MPI: variants seen among roughly 807,000 people sequenced by gnomAD.
MPI encodes the protein mannose-6-phosphate isomerase.
A neutral mutation model predicts 40.1 loss-of-function variants in MPI; 33 were observed. The observed-to-expected ratio is 0.82, with a 90% CI of 0.62 to 1.10. The LOEUF (loss-of-function observed/expected upper bound fraction) is 1.10, where lower values mean the gene tolerates loss of function less well. Among genes scored for constraint, MPI ranks in the 50% least tolerant of loss-of-function variants. The pLI, the probability that MPI is intolerant of heterozygous loss-of-function variation, is 0.00. For missense variants in MPI, 514 were observed against 524.1 expected (o/e 0.98, Z 0.19); for synonymous variants, 187 against 207.4 (o/e 0.90, Z 0.85).
At chr15:74,896,805 T>C (rs1338662755) in intron 6 of MPI, 1 of 658,268 alleles carries the variant, frequency 1.5e-6, no homozygotes, top group Non-Finnish European at 2.7e-6. Flanking sequence ...CCCCCAGGGG[T>C]TAACATGACT....
chr15:74,892,968 G>T (rs1448618669), intron 4 of MPI, 166 bp downstream of exon 4: 2 of 1,322,842 alleles, frequency 1.5e-6, no homozygotes, highest in East Asian at 2.3e-5. Flanking sequence ...CCAGGCTCAG[G>T]TGTGGTAGTC....
chr15:74,890,476 AGGGT>A, intron 1 of MPI, 47 bp from the exon 2 acceptor site: 1 of 1,612,806 alleles, frequency 6.2e-7, no homozygotes, highest in African/African-American at 1.3e-5. Context: ...CCGGGACACT[AGGGT>A]GGGGCCTGAG....
At chr15:74,892,978 C>T (rs775060539) in intron 4 of MPI, 160 bp from the exon 5 acceptor site, 419 of 1,318,154 alleles carry the variant, frequency 3.2e-4, no homozygotes, top group Admixed American at 4.5e-4. Flanking sequence ...GTGTGGTAGT[C>T]AAGGGCTGGT....
chr15:74,893,063 G>C (rs2064750547), intron 4 of MPI, 75 bp from the exon 5 acceptor site: 5 of 1,581,108 alleles, frequency 3.2e-6, no homozygotes, highest in Non-Finnish European at 4.3e-6. Context: ...ATGGAAAGGT[G>C]TCCTCCAACT....
In MPI at chr15:74,899,069, T is replaced by A. The variant is rs187503574; in HGVS notation, c.*1339T>A. ...AGATTACAGGGACTCAGGAACCGAA[T>A]TAGACAATTTTCATGGCGAGGAGAA... On this transcript the variant is annotated 3_prime_UTR_variant, in exon 8 of 8. Transcript: ENST00000352410. The A allele has an allele frequency of 6.6e-6, 1 of 152,192 alleles. No homozygotes were observed. The highest frequency in any genetic ancestry group is 1.5e-5 in the Non-Finnish European group (1 of 68,044). The allele number at this position is 152,192 out of a possible 1,614,324, so 9.4% of individuals were successfully genotyped here. A position where few individuals can be genotyped will look rare whatever the true frequency, so the allele number is the denominator to read the frequency against.
chr15:74,897,010 G>T lies in MPI; in HGVS notation c.845-1G>T, dbSNP rs2064828104. 6.2e-7 allele frequency: 1 copy of T among 1,614,132 alleles called. No homozygotes were observed. Among genetic ancestry groups the T allele is most frequent in the South Asian group, 1.1e-5 (1 of 91,080 alleles). ...TTAGCACATGACGACTGTCTCTCCA[G>T]ACTGCGTGGAGTGCATGGCGTGTTC... On this transcript the variant is annotated splice_acceptor_variant, in intron 6 of 7. Transcript: ENST00000352410. LOFTEE classifies it high-confidence loss of function.
rs760006403 is a variant in MPI at position 74,890,600 on chromosome 15, G to A, written c.90G>A (p.Leu30=). 3.7e-6 allele frequency: 6 copies of A among 1,614,082 alleles called. No individual in the cohort carries two copies. The African/African-American group carries it at 8.0e-5, about 22-fold the overall frequency. ...KMGSNSEVAR[L]LASSDPLAQI... ...GTTCCAACAGCGAAGTGGCGCGGCTGTTGGCCAGCAGTGATCCACTGGCCC... is the reference window on the plus strand; with the variant it reads ...GTTCCAACAGCGAAGTGGCGCGGCTATTGGCCAGCAGTGATCCACTGGCCC... Residue 30 remains leucine (L), a synonymous_variant, in exon 2 of 8, where the codon CTG becomes CTA. Coordinates refer to ENST00000352410, the MANE Select transcript of MPI (RefSeq NM_002435.3).
In MPI at chr15:74,897,073, A is replaced by G; in HGVS notation, c.907A>G (p.Ile303Val). Residue 303 changes from isoleucine (I) to valine (V), a missense_variant, in exon 7 of 8, where the codon ATT becomes GTT. Coordinates refer to ENST00000352410, the MANE Select transcript of MPI (RefSeq NM_002435.3). ...TCGTGCTGGCCTGACACCCAAGTTCATTGATGTGCCAACCCTGTGTGAAAT... is the reference window on the plus strand; with the variant it reads ...TCGTGCTGGCCTGACACCCAAGTTCGTTGATGTGCCAACCCTGTGTGAAAT... Reference protein sequence around the residue: ...TVRAGLTPKFIDVPTLCEMLS... With the variant: ...TVRAGLTPKFVDVPTLCEMLS... 5 of 1,614,164 alleles carry G rather than the reference A, an allele frequency of 3.1e-6. No individual in the cohort carries two copies. Among genetic ancestry groups the G allele is most frequent in the East Asian group, 2.2e-5 (1 of 44,892 alleles).
intron 6 of MPI, 118 bp downstream of exon 6, chr15:74,896,443 C>T (rs1323573013): frequency 8.6e-7 from 1 of 1,168,828 alleles, no homozygotes. Context: ...GCAGCTCTGA[C>T]CTCTGAGGGT....
At chr15:74,894,029 T>G (rs1157505300) in intron 5 of MPI, among the ~76,000 whole-genome samples, 1 of 146,594 alleles carries the variant, frequency 6.8e-6, no homozygotes, top group Non-Finnish European at 1.5e-5. Context: ...AAGCATATTT[T>G]TTTCTGTTCA....
intron 3 of MPI, 103 bp from the exon 4 acceptor site, chr15:74,892,558 T>C: frequency 2.0e-6 from 3 of 1,532,666 alleles, no homozygotes; most frequent in Non-Finnish European, 1.8e-6. Flanking sequence ...ACTGCCATCC[T>C]GCAACTGGGG....
chr15:74,901,774 A>C lies in MPI; in HGVS notation c.*4044A>C. On this transcript the variant is annotated 3_prime_UTR_variant, in exon 8 of 8. Coordinates refer to ENST00000352410, the MANE Select transcript of MPI (RefSeq NM_002435.3). ...GCTCCCTGTAGCTCCCTCTGCTGGTAATAATAAAAACTGCAGGCTTCTGGG... is the reference window on the plus strand; with the variant it reads ...GCTCCCTGTAGCTCCCTCTGCTGGTCATAATAAAAACTGCAGGCTTCTGGG... The C allele has an allele frequency of 4.2e-6, 1 of 238,202 alleles. No homozygotes were observed. Among genetic ancestry groups the C allele is most frequent in the Non-Finnish European group, 8.0e-6 (1 of 125,184 alleles). 14.8% of individuals were successfully genotyped at this position (238,202 alleles called of 1,614,324 possible).
rs1403410915 is a variant in MPI, at chr15:74,891,033, GATGT to G, written c.145-341_145-338del. On this transcript the variant is annotated intron_variant, in intron 2 of 7. Transcript: ENST00000352410. Reference sequence around the variant, plus strand: ...TTCGCCTCTGCTTCTGAAACTGGAAGATGTATGTTAACCCCTGAAAGAATCATTT... The same window carrying G: ...TTCGCCTCTGCTTCTGAAACTGGAAGATGTTAACCCCTGAAAGAATCATTT... 11 of 570,456 alleles carry G rather than the reference GATGT, an allele frequency of 1.9e-5. No individual in the cohort carries two copies. The Admixed American group carries it at 2.4e-4, about 12-fold the overall frequency. The allele number at this position is 570,456 out of a possible 1,614,324, so 35.3% of individuals were successfully genotyped here.
rs1334884216 is a variant in MPI, at chr15:74,896,076, C to G, written c.671-76C>G. ...CTGTGGCAGGGACCTTTTCCTAGGACTCCCTGGCCAATGTGGGGCTATGAA... is the reference window on the plus strand; with the variant it reads ...CTGTGGCAGGGACCTTTTCCTAGGAGTCCCTGGCCAATGTGGGGCTATGAA... On this transcript the variant is annotated intron_variant, in intron 5 of 7. Coordinates refer to ENST00000352410, the MANE Select transcript of MPI (RefSeq NM_002435.3). 31 of 1,564,840 alleles carry G rather than the reference C, an allele frequency of 2.0e-5. No homozygotes were observed. In the East Asian group the frequency reaches 7.0e-4, roughly 35 times the overall value.
In MPI at chr15:74,897,633, G is replaced by C; in HGVS notation, c.1175G>C (p.Arg392Pro). ...ACCCAGACACCAATCCCTCTGCAAC[G>C]TGGTGGCGTGCTCTTCATTGGGGCC... ...PTTQTPIPLQ[R>P]GGVLFIGANE... Residue 392 changes from arginine (R) to proline (P), a missense_variant, in exon 8 of 8, where the codon CGT becomes CCT. By Grantham distance (103) the Arg-to-Pro change is moderately radical (BLOSUM62 -2). Coordinates refer to ENST00000352410, the MANE Select transcript of MPI (RefSeq NM_002435.3). 6.2e-7 allele frequency: 1 copy of C among 1,614,182 alleles called. No individual in the cohort carries two copies. The highest frequency in any genetic ancestry group is 8.5e-7 in the Non-Finnish European group (1 of 1,180,032).
In MPI at chr15:74,898,910, C is replaced by T. The variant is rs987622459; in HGVS notation, c.*1180C>T. 2 of 152,306 alleles carry T rather than the reference C, an allele frequency of 1.3e-5. No individual in the cohort carries two copies. The highest frequency in any genetic ancestry group is 2.9e-5 in the Non-Finnish European group (2 of 68,112). The allele number at this position is 152,306 out of a possible 1,614,324, so 9.4% of individuals were successfully genotyped here. ...GGCTGGCAGGCCAGTTCTGGCCATACCTGTTCATTTCCATACTGTCTGGCT... is the reference window on the plus strand; with the variant it reads ...GGCTGGCAGGCCAGTTCTGGCCATATCTGTTCATTTCCATACTGTCTGGCT... On this transcript the variant is annotated 3_prime_UTR_variant, in exon 8 of 8. Coordinates refer to ENST00000352410, the MANE Select transcript of MPI (RefSeq NM_002435.3).
In MPI at chr15:74,892,973, GT is replaced by G. The variant is rs1334670589; in HGVS notation, c.488-164del. The G allele has an allele frequency of 1.3e-5, 17 of 1,309,522 alleles. No individual in the cohort carries two copies. In the Admixed American group the frequency reaches 2.3e-4, roughly 17 times the overall value. The allele number at this position is 1,309,522 out of a possible 1,614,324, so 81.1% of individuals were successfully genotyped here. On this transcript the variant is annotated intron_variant, in intron 4 of 7. Transcript: ENST00000352410. ...GCCAGTGAGACCAGGCTCAGGTGTG[GT>G]AGTCAAGGGCTGGTGGTGAGTGATT...
Position 74,894,603 on chromosome 15 carries a change from AAT to A in MPI, c.670+1285_670+1286del, listed in dbSNP as rs541482432. Among the ~76,000 whole-genome samples the A allele has an allele frequency of 5.2e-3, 758 of 145,450 alleles. 8 individuals are homozygous for A. Among genetic ancestry groups the A allele is most frequent in the African/African-American group, 0.019 (734 of 39,596 alleles). ...CATGCCACTGCACTTCAGCCGGGGC[AAT>A]AGAGTGAGACTCTGTCTCAAAAAAA... On this transcript the variant is annotated intron_variant, in intron 5 of 7. Transcript: ENST00000352410.
At position 74,897,620 on chromosome 15, in the gene MPI, A is replaced by G. The variant is rs775601021; in HGVS notation, c.1162A>G (p.Ile388Val). 1 of 1,614,142 alleles carries G rather than the reference A, an allele frequency of 6.2e-7. No individual in the cohort carries two copies. The highest frequency in any genetic ancestry group is 8.5e-7 in the Non-Finnish European group (1 of 1,180,008). ...IASTPTTQTP[I>V]PLQRGGVLFI... The stretch of plus-strand genomic sequence containing the variant: ...CAGCACACCCACAACCCAGACACCA[A>G]TCCCTCTGCAACGTGGTGGCGTGCT... The change falls in exon 8 of 8, where the codon ATC becomes GTC. Residue 388 changes from isoleucine (I) to valine (V), a missense_variant. Transcript: ENST00000352410.
Sources: gnomAD v4.1 joint callset for allele counts (sites outside exome capture counted in the v4.1 genomes callset) on GRCh38, gnomAD v4.1.1 for gene constraint, MANE v1.5 for transcripts, NCBI Gene and HGNC (gene_info 2026-07-23, HGNC 2026-07-21) for gene names.